The following PMM1 variants were observed in gnomAD, a reference collection of about 807,000 sequenced individuals.
The protein encoded by PMM1 is phosphomannomutase 1.
In PMM1, 25 loss-of-function variants were observed where a neutral mutation model predicts 34.0. That is an observed-to-expected ratio of 0.73 (90% CI 0.54 to 1.03). PMM1 has a LOEUF of 1.03. Among genes scored for constraint, PMM1 ranks in the 50% least tolerant of loss-of-function variants. PMM1 has a pLI of 0.00. For synonymous variants in PMM1, 134 were observed against 143.9 expected, an observed-to-expected ratio of 0.93 and a Z score of 0.49; for missense variants, 321 against 350.1, an observed-to-expected ratio of 0.92 and a Z score of 0.66.
chr22:41,584,634 A>G, intron 2 of PMM1, 31 bp from the exon 3 acceptor site: 1 of 1,558,710 alleles, frequency 6.4e-7, no homozygotes, highest in Non-Finnish European at 8.8e-7. Context: ...CAGGAGGAAG[A>G]AAGAGTGTGA....
chr22:41,587,343 G>C (rs2067321598), intron 1 of PMM1, among the ~76,000 whole-genome samples: 1 of 151,778 alleles, frequency 6.6e-6, no homozygotes, highest in Admixed American at 6.6e-5. Context: ...AGGAGGCTGA[G>C]GCAGGAGAAT....
rs563254594 is a variant in PMM1 at position 41,578,636 on chromosome 22, C to T, written c.550+170G>A. 3.3e-5 allele frequency among the ~76,000 whole-genome samples: 5 copies of T among 152,120 alleles called. No individual in the cohort carries two copies. The East Asian group carries it at 9.7e-4, about 29-fold the overall frequency. ...GGTATGAGGTGGGGAAAACTGGGGG[C>T]CAGTAAACACTGAACCCCTTTCTGC... On this transcript the variant is annotated intron_variant, in intron 6 of 7. Transcript: ENST00000216259.
chr22:41,581,214 C>T (rs1196838536), intron 5 of PMM1, among the ~76,000 whole-genome samples: 1 of 151,504 alleles, frequency 6.6e-6, no homozygotes, highest in African/African-American at 2.4e-5. Flanking sequence ...ATCCCAGCTA[C>T]TCAGGAGGCT....
At chr22:41,586,653 C>T (rs185732509) in intron 1 of PMM1, among the ~76,000 whole-genome samples, 124 of 151,810 alleles carry the variant, frequency 8.2e-4, no homozygotes, top group African/African-American at 2.9e-3. Flanking sequence ...GGATTACAGG[C>T]GCCTGCCACC....
chr22:41,583,277 C>T (rs1362381314), intron 5 of PMM1, among the ~76,000 whole-genome samples: 4 of 152,054 alleles, frequency 2.6e-5, no homozygotes, highest in Non-Finnish European at 4.4e-5. Context: ...GTCAGGAGTT[C>T]GAGACCAGCC....
At chr22:41,582,728 G>C (rs536794819) in intron 5 of PMM1, among the ~76,000 whole-genome samples, 10 of 152,080 alleles carry the variant, frequency 6.6e-5, no homozygotes, top group Admixed American at 3.3e-4. Flanking sequence ...AGGAGGGGAG[G>C]GACGAGCTGG....
intron 5 of PMM1, chr22:41,579,455 A>C (rs1456347719): frequency 1.3e-5 from 2 of 153,368 alleles, no homozygotes; most frequent in African/African-American, 4.8e-5. Context: ...AACGTGGAGC[A>C]GGGGGACATT....
intron 1 of PMM1, 97 bp downstream of exon 1, chr22:41,589,622 C>T (rs890305456): frequency 8.4e-6 from 9 of 1,076,822 alleles, no homozygotes; most frequent in Non-Finnish European, 1.1e-5. Flanking sequence ...ACTCGGTCCC[C>T]GGGTGTCCAC....
At chr22:41,587,615 C>T (rs935964499) in intron 1 of PMM1, among the ~76,000 whole-genome samples, 3 of 152,046 alleles carry the variant, frequency 2.0e-5, no homozygotes, top group East Asian at 1.9e-4. Flanking sequence ...AGTGAGACCC[C>T]GGTCTCTAAC....
chr22:41,581,507 C>T (rs937238025), intron 5 of PMM1, among the ~76,000 whole-genome samples: 25 of 152,182 alleles, frequency 1.6e-4, no homozygotes, highest in Admixed American at 1.4e-3. Flanking sequence ...CCCTTCTCAT[C>T]GAGCCTTGGT....
chr22:41,587,965 GGTT>G (rs1306700151), intron 1 of PMM1, among the ~76,000 whole-genome samples: 2 of 152,266 alleles, frequency 1.3e-5, no homozygotes, highest in African/African-American at 4.8e-5. Context: ...TTCTTATTCA[GGTT>G]GTTATGTTTG....
At chr22:41,583,463 A>G (rs1381116128) in intron 5 of PMM1, among the ~76,000 whole-genome samples, 2 of 151,966 alleles carry the variant, frequency 1.3e-5, no homozygotes, top group African/African-American at 4.8e-5. Context: ...GCCTCTATCT[A>G]TTTTTTTGGA....
intron 5 of PMM1, among the ~76,000 whole-genome samples, chr22:41,582,603 A>G (rs893380322): frequency 6.6e-6 from 1 of 152,108 alleles, no homozygotes; most frequent in Non-Finnish European, 1.5e-5. Context: ...TAGATGATGA[A>G]AGTTGTCCAA....
At chr22:41,577,560 C>A in intron 7 of PMM1, 120 bp from the exon 8 acceptor site, 2 of 1,196,730 alleles carry the variant, frequency 1.7e-6, no homozygotes, top group South Asian at 2.8e-5. Context: ...ACCTTCTCAC[C>A]CCTTGTCAGA....
At chr22:41,578,598 C>A (rs1018882254) in intron 6 of PMM1, among the ~76,000 whole-genome samples, 3 of 151,976 alleles carry the variant, frequency 2.0e-5, no homozygotes, top group Admixed American at 6.6e-5. Context: ...GGGCATGGGG[C>A]GTTTACCTCT....
At position 41,578,963 on chromosome 22, in the gene PMM1, G is replaced by A. The variant is rs1440420355; in HGVS notation, c.475-82C>T. 1.1e-4 allele frequency: 138 copies of A among 1,207,522 alleles called. 4 individuals carry two copies. In the South Asian group the frequency reaches 1.6e-3, roughly 14 times the overall value. The allele number at this position is 1,207,522 out of a possible 1,614,324, so 74.8% of individuals were successfully genotyped here. ...GGCTGGGCACACAGTCCACGTGAGC[G>A]TGCTGAGCATTCTAGGTGGGTAGGA... On this transcript the variant is annotated intron_variant, in intron 5 of 7. Transcript: ENST00000216259.
chr22:41,577,248 A>G lies in PMM1; in HGVS notation c.*70T>C. The stretch of plus-strand genomic sequence containing the variant: ...AGAGGAGGGGCCCTGGCATCTATCC[A>G]ACACCAGGACCTCTCTTTAGGCCTA... On this transcript the variant is annotated 3_prime_UTR_variant, in exon 8 of 8. Coordinates refer to ENST00000216259, the MANE Select transcript of PMM1 (RefSeq NM_002676.3). 15 of 1,598,426 alleles carry G rather than the reference A, an allele frequency of 9.4e-6. No individual in the cohort carries two copies. Among genetic ancestry groups the G allele is most frequent in the Non-Finnish European group, 1.2e-5 (14 of 1,171,306 alleles).
Position 41,586,130 on chromosome 22 carries a change from C to G in PMM1, c.151G>C (p.Val51Leu). Reference protein sequence around the residue: ...KLRSRVQIGVVGGSDYCKIAE... With the variant: ...KLRSRVQIGVLGGSDYCKIAE... The stretch of plus-strand genomic sequence containing the variant: ...ATCTTACAGTAGTCAGAGCCGCCCA[C>G]CACACCGATCTGCACTCTACTTCGT... Residue 51 changes from valine (V) to leucine (L), a missense_variant, in exon 2 of 8, where the codon GTG becomes CTG. Coordinates refer to ENST00000216259, the MANE Select transcript of PMM1 (RefSeq NM_002676.3). 6.2e-7 allele frequency: 1 copy of G among 1,612,948 alleles called. No individual in the cohort carries two copies. The highest frequency in any genetic ancestry group is 8.5e-7 in the Non-Finnish European group (1 of 1,179,618).
At chr22:41,583,832 G>A in intron 5 of PMM1, 127 bp downstream of exon 5, 1 of 683,750 alleles carries the variant, frequency 1.5e-6, no homozygotes, top group South Asian at 1.6e-5. Flanking sequence ...CACACAGTAG[G>A]TGCCTGAAAG....
Sources: gnomAD v4.1 joint callset for allele counts (sites outside exome capture counted in the v4.1 genomes callset) on GRCh38, gnomAD v4.1.1 for gene constraint, MANE v1.5 for transcripts, NCBI Gene and HGNC (gene_info 2026-07-23, HGNC 2026-07-21) for gene names.